RBFOX1: variants seen among roughly 807,000 people sequenced by gnomAD.
RBFOX1 encodes the protein RNA binding fox-1 homolog 1, also known as RNA binding protein fox-1 homolog 1.
A neutral mutation model predicts 57.7 loss-of-function variants in RBFOX1; 8 were observed. That is an observed-to-expected ratio of 0.14 (90% CI 0.08 to 0.25). RBFOX1 has a LOEUF of 0.25. Among genes scored for constraint, RBFOX1 ranks in the 10% least tolerant of loss-of-function variants. RBFOX1 has a pLI of 1.00. For missense variants in RBFOX1, 611 were observed against 548.5 expected (o/e 1.11, Z -1.14); for synonymous variants, 326 against 222.4 (o/e 1.47, Z -4.15).
intron 4 of RBFOX1, among the ~76,000 whole-genome samples, chr16:7,343,448 C>A (rs940617274): frequency 4.6e-5 from 7 of 152,070 alleles, no homozygotes; most frequent in Non-Finnish European, 1.0e-4. Flanking sequence ...TGGTATTGAC[C>A]AACAGTACAA....
intron 1 of RBFOX1, among the ~76,000 whole-genome samples, chr16:6,143,954 C>G (rs1390356668): frequency 2.4e-5 from 3 of 124,760 alleles, no homozygotes; most frequent in Non-Finnish European, 4.8e-5. Context: ...CAACACCATA[C>G]TCAGCTATAT....
chr16:7,297,046 G>A (rs186541769), intron 4 of RBFOX1, among the ~76,000 whole-genome samples: 13 of 152,258 alleles, frequency 8.5e-5, no homozygotes, highest in African/African-American at 3.1e-4. Flanking sequence ...TGCACTCCAT[G>A]GGAGCCATAG....
chr16:6,977,547 A>G (rs1383876499), intron 3 of RBFOX1, among the ~76,000 whole-genome samples: 1 of 151,986 alleles, frequency 6.6e-6, no homozygotes, highest in Non-Finnish European at 1.5e-5. Context: ...TAGTTCGAAG[A>G]CCTCTGACAA....
rs566652085 is a variant in RBFOX1, at chr16:6,366,317, T to C, written c.-64+49260T>C. Among the ~76,000 whole-genome samples, 26 of 152,324 alleles carry C rather than the reference T, an allele frequency of 1.7e-4. 1 individual carries two copies. The highest frequency in any genetic ancestry group is 3.4e-3 in the Middle Eastern group (1 of 294). On this transcript the variant is annotated intron_variant, in intron 2 of 15. Coordinates refer to ENST00000550418, the MANE Select transcript of RBFOX1 (RefSeq NM_018723.4). ...CTAAACTCACCATACCTTTTGGATA[T>C]TGAACTATAAAGACTTCTACATTCC...
intron 1 of RBFOX1, among the ~76,000 whole-genome samples, chr16:5,246,724 G>A (rs2151068920): frequency 6.7e-6 from 1 of 150,154 alleles, no homozygotes; most frequent in African/African-American, 2.5e-5. Flanking sequence ...AGGCTGTAGT[G>A]CAGGGGTGTG....
At position 6,378,290 on chromosome 16, in the gene RBFOX1, A is replaced by G. The variant is rs568370936; in HGVS notation, c.-64+61233A>G. Among the ~76,000 whole-genome samples, 7 of 152,190 alleles carry G rather than the reference A, an allele frequency of 4.6e-5. No individual in the cohort carries two copies. In the East Asian group the frequency reaches 1.4e-3, roughly 29 times the overall value. On this transcript the variant is annotated intron_variant, in intron 2 of 15. Coordinates refer to ENST00000550418, the MANE Select transcript of RBFOX1 (RefSeq NM_018723.4). ...CCTCCGTGCTCACCTTTCACCTCTC[A>G]CGGAGGCTGGGGTTTCATGCATCTG...
At chr16:5,788,957 C>T (rs1567543676) in intron 3 of RBFOX1, among the ~76,000 whole-genome samples, 1 of 152,180 alleles carries the variant, frequency 6.6e-6, no homozygotes, top group African/African-American at 2.4e-5. Context: ...AAGACATTTT[C>T]TCCTGCCTAC....
At chr16:7,013,259 A>G (rs955819629) in intron 3 of RBFOX1, among the ~76,000 whole-genome samples, 1 of 152,168 alleles carries the variant, frequency 6.6e-6, no homozygotes, top group Admixed American at 6.6e-5. Context: ...GTCCCTACTC[A>G]CATAGGACTG....
chr16:7,118,236 T>C (rs2066344410), intron 4 of RBFOX1, among the ~76,000 whole-genome samples: 3 of 152,154 alleles, frequency 2.0e-5, no homozygotes, highest in Non-Finnish European at 2.9e-5. Flanking sequence ...TTTCACCACA[T>C]CCATGCTAAC....
At chr16:6,121,026 C>G (rs2096544934) in intron 1 of RBFOX1, among the ~76,000 whole-genome samples, 1 of 152,188 alleles carries the variant, frequency 6.6e-6, no homozygotes, top group Admixed American at 6.5e-5. Flanking sequence ...TGTAATTTTA[C>G]ATTCTACTTT....
At chr16:5,954,195 T>C (rs916750939) in intron 4 of RBFOX1, among the ~76,000 whole-genome samples, 4 of 152,190 alleles carry the variant, frequency 2.6e-5, no homozygotes, top group African/African-American at 9.7e-5. Flanking sequence ...GTTTGAAGAA[T>C]GCTTCATCAC....
At chr16:5,287,313 A>T (rs9925498) in intron 1 of RBFOX1, among the ~76,000 whole-genome samples, 64,472 of 151,800 alleles carry the variant, frequency 0.42, 14,097 homozygotes, top group Non-Finnish European at 0.49. Flanking sequence ...CAAAAAAAAA[A>T]AAGGTTGGTT....
chr16:6,889,623 C>G (rs1055698885), intron 3 of RBFOX1, among the ~76,000 whole-genome samples: 1 of 152,154 alleles, frequency 6.6e-6, no homozygotes, highest in Non-Finnish European at 1.5e-5. Flanking sequence ...GGAAGAGTGC[C>G]AATCCATATC....
chr16:7,305,955 A>C (rs892662998), intron 4 of RBFOX1, among the ~76,000 whole-genome samples: 1 of 152,158 alleles, frequency 6.6e-6, no homozygotes, highest in African/African-American at 2.4e-5. Context: ...TGTGCGTTTT[A>C]TACCAGTTAT....
At chr16:5,568,548 T>G (rs1365352479) in intron 2 of RBFOX1, among the ~76,000 whole-genome samples, 1 of 152,196 alleles carries the variant, frequency 6.6e-6, no homozygotes, top group African/African-American at 2.4e-5. Flanking sequence ...GTTTGGAATT[T>G]GAGAGCTAGG....
chr16:7,678,315 A>G (rs1277879419), intron 14 of RBFOX1, among the ~76,000 whole-genome samples: 2 of 152,198 alleles, frequency 1.3e-5, no homozygotes, highest in African/African-American at 4.8e-5. Flanking sequence ...GGATTAGGAA[A>G]GTAGAGAGGG....
intron 1 of RBFOX1, among the ~76,000 whole-genome samples, chr16:5,243,085 G>T (rs1255864973): frequency 6.6e-6 from 1 of 151,992 alleles, no homozygotes; most frequent in African/African-American, 2.4e-5. Flanking sequence ...CCATTGAGAA[G>T]GCCTAGAAAA....
intron 3 of RBFOX1, among the ~76,000 whole-genome samples, chr16:6,791,575 A>G (rs1005554208): frequency 3.3e-5 from 5 of 152,318 alleles, no homozygotes; most frequent in African/African-American, 1.2e-4. Context: ...CCTGGCCAAC[A>G]TGGTGAAACC....
At chr16:7,410,390 C>G (rs1278047856) in intron 4 of RBFOX1, among the ~76,000 whole-genome samples, 1 of 152,342 alleles carries the variant, frequency 6.6e-6, no homozygotes, top group Non-Finnish European at 1.5e-5. Context: ...GACCTTAAGA[C>G]TGCAGCCTCG....
Sources: allele counts gnomAD v4.1 joint callset (sites outside exome capture counted in the v4.1 genomes callset), GRCh38; gene constraint gnomAD v4.1.1; transcripts MANE v1.5; gene names NCBI Gene and HGNC (gene_info 2026-07-23, HGNC 2026-07-21).